PLCH1: variants seen among roughly 807,000 people sequenced by gnomAD.
The protein encoded by PLCH1 is phospholipase C eta 1.
In PLCH1, 60 loss-of-function variants were observed where a neutral mutation model predicts 126.7. The ratio of observed to expected loss-of-function variants is 0.47; its 90% confidence interval spans 0.38 to 0.59. The LOEUF is 0.59. Among genes scored for constraint, PLCH1 ranks in the 20% least tolerant of loss-of-function variants. The probability of loss-of-function intolerance (pLI) is 0.00; values close to 1 mark genes in which losing one functional copy is unlikely to be tolerated. For synonymous variants in PLCH1, 719 were observed against 734.9 expected (o/e 0.98, Z 0.35); for missense variants, 1,723 against 2,040.0 (o/e 0.84, Z 2.99).
At position 155,607,347 on chromosome 3, in the gene PLCH1, A is replaced by G. The variant is rs558545657; in HGVS notation, c.80-10969T>C. 2.0e-5 allele frequency among the ~76,000 whole-genome samples: 3 copies of G among 152,330 alleles called. No individual in the cohort carries two copies. In the South Asian group the frequency reaches 6.2e-4, roughly 32 times the overall value. ...GCCCTAATAAATTGGCTTAAAGAAAAATAAGTACTTAAATAATATATTTTG... is the reference window on the plus strand; with the variant it reads ...GCCCTAATAAATTGGCTTAAAGAAAGATAAGTACTTAAATAATATATTTTG... On this transcript the variant is annotated intron_variant, in intron 2 of 22. Transcript: ENST00000460012.
intron 4 of PLCH1, among the ~76,000 whole-genome samples, chr3:155,588,821 C>A (rs1020350968): frequency 6.6e-6 from 1 of 152,148 alleles, no homozygotes; most frequent in Non-Finnish European, 1.5e-5. Flanking sequence ...CTCATATCAC[C>A]TCCTGGAGCC....
rs912337249 is a variant in PLCH1 at position 155,481,723 on chromosome 3, C to T, written c.4303G>A (p.Val1435Met). Residue 1435 changes from valine to methionine, a missense_variant, in exon 23 of 23, where the codon GTG becomes ATG. Coordinates refer to ENST00000460012, the MANE Select transcript of PLCH1 (RefSeq NM_014996.4). The surrounding 1 kb of genome is among the most constrained non-coding windows in gnomAD (Gnocchi z 4.2). Reference protein sequence around the residue: ...SYLAYQGAGFVHNHFSDSDAK... With the variant: ...SYLAYQGAGFMHNHFSDSDAK... The stretch of plus-strand genomic sequence containing the variant: ...TCTGAATCTGAGAAATGATTATGCA[C>T]AAAGCCAGCACCCTGATAGGCTAGA... 6 of 1,614,026 alleles carry T rather than the reference C, an allele frequency of 3.7e-6. No homozygotes were observed. Among genetic ancestry groups the T allele is most frequent in the Non-Finnish European group, 5.1e-6 (6 of 1,180,044 alleles).
intron 2 of PLCH1, among the ~76,000 whole-genome samples, chr3:155,661,726 T>TAAAA (rs1478528625): frequency 1.3e-5 from 2 of 152,168 alleles, no homozygotes; most frequent in Non-Finnish European, 2.9e-5. Context: ...CTCATTCATA[T>TAAAA]AAAAAAGATA....
At chr3:155,497,463 A>C in intron 14 of PLCH1, 46 bp from the exon 15 acceptor site, 1 of 1,341,206 alleles carries the variant, frequency 7.5e-7, no homozygotes, top group African/African-American at 1.4e-5. Context: ...GAGTTGAAAG[A>C]GGTTTGGGTT....
At chr3:155,728,078 T>C (rs993197129) in intron 1 of PLCH1, among the ~76,000 whole-genome samples, 1 of 152,216 alleles carries the variant, frequency 6.6e-6, no homozygotes, top group Non-Finnish European at 1.5e-5. Flanking sequence ...CCAGCTTCAG[T>C]GCTCAACTGA....
chr3:155,584,234 C>T (rs1183329233), intron 5 of PLCH1, among the ~76,000 whole-genome samples: 1 of 152,098 alleles, frequency 6.6e-6, no homozygotes, highest in African/African-American at 2.4e-5. Context: ...TTGAAAAAGA[C>T]TAATCAAGAA....
chr3:155,655,596 A>T (rs1741266393), intron 2 of PLCH1, among the ~76,000 whole-genome samples: 1 of 152,170 alleles, frequency 6.6e-6, no homozygotes, highest in Non-Finnish European at 1.5e-5. Flanking sequence ...TGGAAGCCCA[A>T]ATAAAGCCTT....
chr3:155,525,670 C>T (rs1410376485), intron 10 of PLCH1, among the ~76,000 whole-genome samples: 1 of 151,964 alleles, frequency 6.6e-6, no homozygotes, highest in African/African-American at 2.4e-5. Context: ...CAGCGAGACT[C>T]CTGCCCAGCT....
intron 10 of PLCH1, among the ~76,000 whole-genome samples, chr3:155,540,517 T>C (rs903769292): frequency 1.3e-5 from 2 of 151,944 alleles, no homozygotes; most frequent in African/African-American, 2.4e-5. Context: ...ATATCTACAA[T>C]CTACAAGGAA....
intron 5 of PLCH1, among the ~76,000 whole-genome samples, chr3:155,585,315 A>G (rs1308976788): frequency 6.6e-6 from 1 of 152,172 alleles, no homozygotes; most frequent in South Asian, 2.1e-4. Flanking sequence ...TTATTTTTAC[A>G]TGTACAAAGT....
At chr3:155,499,072 T>C (rs1168182106) in intron 14 of PLCH1, among the ~76,000 whole-genome samples, 6 of 152,198 alleles carry the variant, frequency 3.9e-5, no homozygotes, top group Non-Finnish European at 8.8e-5. Context: ...AGAAATAACA[T>C]GTGTTATTGT....
intron 10 of PLCH1, among the ~76,000 whole-genome samples, chr3:155,545,112 A>G (rs1474113894): frequency 6.6e-5 from 10 of 152,066 alleles, no homozygotes; most frequent in African/African-American, 2.4e-4. Flanking sequence ...GGTTTTTTGA[A>G]AAGATCAACA....
At chr3:155,705,859 T>G (rs1746614703) in intron 1 of PLCH1, among the ~76,000 whole-genome samples, 1 of 152,144 alleles carries the variant, frequency 6.6e-6, no homozygotes, top group Non-Finnish European at 1.5e-5. Flanking sequence ...CAACTAGGAC[T>G]TTATGAAGTG....
At chr3:155,486,181 CT>C in intron 21 of PLCH1, 1 of 1,547,156 alleles carries the variant, frequency 6.5e-7, no homozygotes, top group Non-Finnish European at 8.7e-7. Flanking sequence ...TATAGTATAA[CT>C]GGGGTTGAGT....
In PLCH1 at chr3:155,523,903, G is replaced by A. The variant is rs745886014; in HGVS notation, c.1464C>T (p.Leu488=). ...GGTCATGCCTGCAACTTACATAATG[G>A]AGCTTGAATTTGCACTCGTCTTCAA... ...DEIEDECKFK[L]HYSNGTTEHQ... Residue 488 remains leucine (L), a synonymous_variant, in exon 11 of 23, where the codon CTC becomes CTT. Coordinates refer to ENST00000460012, the MANE Select transcript of PLCH1 (RefSeq NM_014996.4). The A allele has an allele frequency of 7.0e-6, 11 of 1,566,910 alleles. No homozygotes were observed. The highest frequency in any genetic ancestry group is 9.6e-6 in the Non-Finnish European group (11 of 1,144,868).
rs1239668479 is a variant in PLCH1 at position 155,577,217 on chromosome 3, C to T, written c.771+6255G>A. On this transcript the variant is annotated intron_variant, in intron 6 of 22. Coordinates refer to ENST00000460012, the MANE Select transcript of PLCH1 (RefSeq NM_014996.4). ...GGAGTTTATACGATCCATGATCGCA[C>T]CCACTGCACTCCAGCCTGGGTGACA... 3.9e-5 allele frequency among the ~76,000 whole-genome samples: 6 copies of T among 152,014 alleles called. No individual in the cohort carries two copies. In the South Asian group the frequency reaches 1.2e-3, roughly 32 times the overall value.
intron 3 of PLCH1, among the ~76,000 whole-genome samples, chr3:155,594,481 G>A (rs1281077787): frequency 6.6e-6 from 1 of 152,106 alleles, no homozygotes; most frequent in Non-Finnish European, 1.5e-5. Flanking sequence ...GCTGAGGCAG[G>A]AGAATTGCTC....
At chr3:155,707,654 A>G (rs1174226534) in intron 1 of PLCH1, among the ~76,000 whole-genome samples, 1 of 138,052 alleles carries the variant, frequency 7.2e-6, no homozygotes, top group Non-Finnish European at 1.6e-5. Flanking sequence ...CAAGAACAAA[A>G]CTCCATCTCA....
chr3:155,618,238 T>C (rs1159803140), intron 2 of PLCH1, among the ~76,000 whole-genome samples: 1 of 152,198 alleles, frequency 6.6e-6, no homozygotes, highest in Non-Finnish European at 1.5e-5. Context: ...TTTTAATATG[T>C]ATTATTTTCT....
Sources: allele counts gnomAD v4.1 joint callset (sites outside exome capture counted in the v4.1 genomes callset), GRCh38; gene constraint gnomAD v4.1.1; non-coding constraint Gnocchi (gnomAD v3.1); transcripts MANE v1.5; gene names NCBI Gene and HGNC (gene_info 2026-07-23, HGNC 2026-07-21).